Variants in TSC22D1 observed in about 807,000 individuals in gnomAD.
The protein encoded by TSC22D1 is TSC22 domain family member 1.
TSC22D1 carries 9 observed loss-of-function variants against 74.2 expected under a neutral mutation model. The observed-to-expected ratio is 0.12, with a 90% CI of 0.07 to 0.21. The LOEUF is 0.21. TSC22D1 is among the 10% of genes least tolerant of loss of function. TSC22D1 has a pLI of 1.00. For synonymous variants in TSC22D1, 586 were observed against 492.5 expected (o/e 1.19, Z -2.51); for missense variants, 1,427 against 1,304.7 (o/e 1.09, Z -1.44).
intron 1 of TSC22D1, among the ~76,000 whole-genome samples, chr13:44,489,910 G>A (rs1469768503): frequency 2.6e-5 from 4 of 152,008 alleles, no homozygotes; most frequent in Non-Finnish European, 5.9e-5. Flanking sequence ...GATGGAATGT[G>A]GAACAGCTGG....
chr13:44,546,591 A>T (rs1881840140), intron 1 of TSC22D1, among the ~76,000 whole-genome samples: 1 of 152,214 alleles, frequency 6.6e-6, no homozygotes, highest in Non-Finnish European at 1.5e-5. Context: ...CCTAAACTGG[A>T]TCCTGGACCA....
chr13:44,576,194 C>A lies in TSC22D1; in HGVS notation c.-120G>T. On this transcript the variant is annotated 5_prime_UTR_variant, in exon 1 of 3. It adds an upstream start codon to the 5' untranslated region. Coordinates refer to ENST00000458659, the MANE Select transcript of TSC22D1 (RefSeq NM_183422.4). ...GACGCTCCGCCTGGCGCGATTCCTC[C>A]TTCTCCTCCTCCTCAGCCAAAGGCG... 7.4e-7 allele frequency: 1 copy of A among 1,355,960 alleles called. No individual in the cohort carries two copies. Among genetic ancestry groups the A allele is most frequent in the East Asian group, 2.6e-5 (1 of 39,130 alleles). The allele number at this position is 1,355,960 out of a possible 1,614,324, so 84.0% of individuals were successfully genotyped here. A position where few individuals can be genotyped will look rare whatever the true frequency, so the allele number is the denominator to read the frequency against.
chr13:44,532,410 C>T (rs763870488), intron 1 of TSC22D1, among the ~76,000 whole-genome samples: 1 of 152,188 alleles, frequency 6.6e-6, no homozygotes, highest in Non-Finnish European at 1.5e-5. Context: ...AGGCAGAGCA[C>T]ATCTGTAATG....
rs749708622 is a variant in TSC22D1 at position 44,575,967 on chromosome 13, G to A, written c.108C>T (p.Gly36=). 4.4e-6 allele frequency: 7 copies of A among 1,605,862 alleles called. No homozygotes were observed. Among genetic ancestry groups the A allele is most frequent in the Middle Eastern group, 1.6e-4 (1 of 6,070 alleles). ...CTGCTGCATTGAGAGCAGAGGCGCT[G>A]CCACTACCGCTGCCCCTTCGAGGGA... is the stretch of plus-strand genomic sequence containing the variant. ...AMFPRRGSGS[G]SASALNAAGT... Residue 36 remains glycine (G), a synonymous_variant, in exon 1 of 3, where the codon GGC becomes GGT. Transcript: ENST00000458659.
At chr13:44,565,222 A>G (rs930144080) in intron 1 of TSC22D1, among the ~76,000 whole-genome samples, 3 of 152,194 alleles carry the variant, frequency 2.0e-5, no homozygotes, top group Non-Finnish European at 4.4e-5. Context: ...AAAAGGTAGT[A>G]AGTATAAAGA....
chr13:44,437,073 G>C, intron 1 of TSC22D1: 3 of 971,282 alleles, frequency 3.1e-6, no homozygotes, highest in Non-Finnish European at 3.7e-6. Flanking sequence ...GGGGTGCTGG[G>C]TTCGGAGGTT....
chr13:44,491,276 G>A (rs9525963), intron 1 of TSC22D1, among the ~76,000 whole-genome samples: 2,793 of 152,232 alleles, frequency 0.018, 39 homozygotes, highest in Non-Finnish European at 0.028. Context: ...TCCAGAGGCC[G>A]GGCGCAGTGG....
At chr13:44,437,171 C>CT (rs1322785783) in intron 1 of TSC22D1, 72 of 985,460 alleles carry the variant, frequency 7.3e-5, no homozygotes, top group Non-Finnish European at 8.1e-5. Flanking sequence ...CCCACACGTG[C>CT]TTACGTTTAA....
At chr13:44,491,447 G>A (rs1157547255) in intron 1 of TSC22D1, among the ~76,000 whole-genome samples, 8 of 151,374 alleles carry the variant, frequency 5.3e-5, no homozygotes, top group East Asian at 2.0e-4. Context: ...CCAGCTACTC[G>A]GGAAGCTGAG....
At chr13:44,559,036 T>A (rs1882867115) in intron 1 of TSC22D1, among the ~76,000 whole-genome samples, 1 of 152,192 alleles carries the variant, frequency 6.6e-6, no homozygotes, top group African/African-American at 2.4e-5. Context: ...GTTTGGTGGA[T>A]CTCCATAGAG....
chr13:44,449,852 T>C (rs1166421910), intron 1 of TSC22D1, among the ~76,000 whole-genome samples: 4 of 152,200 alleles, frequency 2.6e-5, no homozygotes, highest in African/African-American at 9.7e-5. Flanking sequence ...AAAAACTTTC[T>C]ATACATTAGC....
intron 1 of TSC22D1, chr13:44,539,989 A>T: frequency 8.3e-7 from 1 of 1,210,862 alleles, no homozygotes; most frequent in Non-Finnish European, 1.1e-6. Flanking sequence ...TTCTCTGGTC[A>T]TTTGAGTTTG....
intron 1 of TSC22D1, among the ~76,000 whole-genome samples, chr13:44,444,025 G>T (rs1212261730): frequency 6.6e-6 from 1 of 151,908 alleles, no homozygotes; most frequent in Non-Finnish European, 1.5e-5. Context: ...GGTGGCTCAC[G>T]CCTGTAATCC....
In TSC22D1 at chr13:44,575,134, T is replaced by C. The variant is rs757532328; in HGVS notation, c.941A>G (p.Asn314Ser). ...ACCCACAGCAGTAATGTTAACATTA[T>C]TTACTGTACTAGTGCCAGTAACAGA... ...INSVTGTSTV[N>S]NVNITAVGSF... The change falls in exon 1 of 3, where the codon AAT becomes AGT. Residue 314 changes from asparagine to serine, a missense_variant. By Grantham distance (46) the Asn-to-Ser change is conservative. Coordinates refer to ENST00000458659, the MANE Select transcript of TSC22D1 (RefSeq NM_183422.4). 3.1e-6 allele frequency: 5 copies of C among 1,614,198 alleles called. No individual in the cohort carries two copies. The highest frequency in any genetic ancestry group is 4.2e-6 in the Non-Finnish European group (5 of 1,180,034).
intron 1 of TSC22D1, among the ~76,000 whole-genome samples, chr13:44,529,038 T>C (rs983266267): frequency 6.6e-6 from 1 of 152,118 alleles, no homozygotes; most frequent in Non-Finnish European, 1.5e-5. Context: ...ATACCAATTC[T>C]CTATAATCTC....
intron 1 of TSC22D1, among the ~76,000 whole-genome samples, chr13:44,555,481 C>T (rs1271026639): frequency 6.6e-6 from 1 of 152,144 alleles, no homozygotes; most frequent in Non-Finnish European, 1.5e-5. Flanking sequence ...TGGCGCGAGC[C>T]TGTCATCCCA....
At chr13:44,563,609 C>G (rs1308995910) in intron 1 of TSC22D1, among the ~76,000 whole-genome samples, 1 of 152,098 alleles carries the variant, frequency 6.6e-6, no homozygotes, top group Non-Finnish European at 1.5e-5. Flanking sequence ...TCTTATTTCC[C>G]CCCATTTTTA....
chr13:44,499,773 C>G (rs1388743120), intron 1 of TSC22D1, among the ~76,000 whole-genome samples: 1 of 152,100 alleles, frequency 6.6e-6, no homozygotes, highest in Non-Finnish European at 1.5e-5. Flanking sequence ...TTATTTCCAT[C>G]TTTGCAATTG....
chr13:44,537,957 C>T, intron 1 of TSC22D1: 1 of 985,168 alleles, frequency 1.0e-6, no homozygotes, highest in African/African-American at 1.7e-5. Context: ...CATTAGGTGA[C>T]TTTAAAAACA....
Sources: gnomAD v4.1 joint callset for allele counts (sites outside exome capture counted in the v4.1 genomes callset) on GRCh38, gnomAD v4.1.1 for gene constraint, MANE v1.5 for transcripts, NCBI Gene and HGNC (gene_info 2026-07-23, HGNC 2026-07-21) for gene names.